Variants in ETFBKMT observed in about 807,000 individuals in gnomAD.
ETFBKMT encodes electron transfer flavoprotein beta subunit lysine methyltransferase.
ETFBKMT carries 13 observed loss-of-function variants against 18.3 expected under a neutral mutation model. The observed-to-expected ratio is 0.71, with a 90% CI of 0.46 to 1.13. The LOEUF (loss-of-function observed/expected upper bound fraction) is 1.13, where lower values mean the gene tolerates loss of function less well. Ranked by LOEUF, ETFBKMT falls within the 50% of genes most tolerant of loss-of-function variation. The pLI is 0.00. For missense variants in ETFBKMT, 293 were observed against 306.2 expected, an observed-to-expected ratio of 0.96 and a Z score of 0.32; for synonymous variants, 84 against 107.9, an observed-to-expected ratio of 0.78 and a Z score of 1.37.
At chr12:31,663,641 A>T (rs1216287527) in intron 2 of ETFBKMT, among the ~76,000 whole-genome samples, 1 of 152,258 alleles carries the variant, frequency 6.6e-6, no homozygotes, top group East Asian at 1.9e-4. Flanking sequence ...GACACATACA[A>T]GTAGCAAGGC....
rs1020557273 is a variant in ETFBKMT, at chr12:31,671,377, C to A, written c.*3387C>A. ...GTTAGCATACTTACCCCGTTTTTCA[C>A]TACATCAGAGGCAAAATAAGAAATC... On this transcript the variant is annotated 3_prime_UTR_variant, in exon 4 of 4. Coordinates refer to ENST00000357721, the MANE Select transcript of ETFBKMT (RefSeq NM_001135863.2). 6.6e-6 allele frequency: 1 copy of A among 152,138 alleles called. No homozygotes were observed. Among genetic ancestry groups the A allele is most frequent in the Non-Finnish European group, 1.5e-5 (1 of 68,010 alleles). 9.4% of individuals were successfully genotyped at this position (152,138 alleles called of 1,614,324 possible).
In ETFBKMT at chr12:31,672,672, T is replaced by C. The variant is rs886448137; in HGVS notation, c.*4682T>C. The C allele has an allele frequency of 1.5e-5, 4 of 267,496 alleles. No individual in the cohort carries two copies. The highest frequency in any genetic ancestry group is 4.9e-5 in the Admixed American group (1 of 20,588). The allele number at this position is 267,496 out of a possible 1,614,324, so 16.6% of individuals were successfully genotyped here. ...CACCAACCAGAGTAATGGTCTAATTTCACCATTAACCTGTGTTAATGGTTA... is the reference window on the plus strand; with the variant it reads ...CACCAACCAGAGTAATGGTCTAATTCCACCATTAACCTGTGTTAATGGTTA... On this transcript the variant is annotated 3_prime_UTR_variant, in exon 4 of 4. Coordinates refer to ENST00000357721, the MANE Select transcript of ETFBKMT (RefSeq NM_001135863.2).
chr12:31,648,770 C>T (rs1174311921), intron 1 of ETFBKMT, among the ~76,000 whole-genome samples: 4 of 151,818 alleles, frequency 2.6e-5, no homozygotes, highest in Non-Finnish European at 5.9e-5. Flanking sequence ...ACCATGTTAG[C>T]CAGGATGGTC....
intron 1 of ETFBKMT, chr12:31,660,050 C>T (rs929919155): frequency 6.0e-5 from 9 of 149,834 alleles, no homozygotes; most frequent in Non-Finnish European, 1.2e-4. Flanking sequence ...CCCTGTAATC[C>T]CAGGACTCGG....
At chr12:31,665,675 G>C (rs966524573) in intron 2 of ETFBKMT, among the ~76,000 whole-genome samples, 1 of 151,876 alleles carries the variant, frequency 6.6e-6, no homozygotes, top group Non-Finnish European at 1.5e-5. Context: ...TTACCCACAT[G>C]TTTATTAACA....
intron 1 of ETFBKMT, among the ~76,000 whole-genome samples, chr12:31,653,208 C>CAA (rs33928613): frequency 0.29 from 27,747 of 94,982 alleles, 3,608 homozygotes; most frequent in Non-Finnish European, 0.39. Context: ...GACTCCGTCT[C>CAA]AAAAAAAAAA....
At chr12:31,665,875 C>T (rs552518489) in intron 2 of ETFBKMT, among the ~76,000 whole-genome samples, 21 of 152,368 alleles carry the variant, frequency 1.4e-4, no homozygotes, top group Admixed American at 5.9e-4. Context: ...CAGTTCTCTG[C>T]CCTGGGCAGG....
rs1291315371 is a variant in ETFBKMT at position 31,662,041 on chromosome 12, C to T, written c.88C>T (p.Pro30Ser). ...ALRSSGLLLF[P>S]CGQCPWRGAG... ...GCGAAGCAGTGGTCTTCTCTTGTTTCCCTGTGGCCAGTGTCCCTGGAGAGG... is the reference window on the plus strand; with the variant it reads ...GCGAAGCAGTGGTCTTCTCTTGTTTTCCTGTGGCCAGTGTCCCTGGAGAGG... Residue 30 changes from proline (P) to serine (S), a missense_variant, in exon 2 of 4, where the codon CCC becomes TCC. Physicochemically the swap from Pro to Ser is moderately conservative, Grantham distance 74 (BLOSUM62 -1). Coordinates refer to ENST00000357721, the MANE Select transcript of ETFBKMT (RefSeq NM_001135863.2). 2 of 1,614,198 alleles carry T rather than the reference C, an allele frequency of 1.2e-6. No individual in the cohort carries two copies. The highest frequency in any genetic ancestry group is 1.7e-6 in the Non-Finnish European group (2 of 1,180,034).
intron 2 of ETFBKMT, among the ~76,000 whole-genome samples, chr12:31,662,567 C>T (rs1951139621): frequency 7.1e-6 from 1 of 140,682 alleles, no homozygotes; most frequent in African/African-American, 2.6e-5. Context: ...TGGTCTTAAA[C>T]ATCTGGCCTC....
At chr12:31,653,012 C>T (rs1189338090) in intron 1 of ETFBKMT, among the ~76,000 whole-genome samples, 1 of 152,202 alleles carries the variant, frequency 6.6e-6, no homozygotes, top group Non-Finnish European at 1.5e-5. Context: ...AGTTCGGAAC[C>T]AGCCTGGGCA....
chr12:31,667,501 C>T (rs1283999928), intron 3 of ETFBKMT, 146 bp from the exon 4 acceptor site: 4 of 640,968 alleles, frequency 6.2e-6, no homozygotes, highest in Non-Finnish European at 1.1e-5. Flanking sequence ...TTGGGATAAC[C>T]TTTATACTTC....
chr12:31,657,420 T>A (rs1951071581), upstream of ETFBKMT, among the ~76,000 whole-genome samples: 1 of 152,164 alleles, frequency 6.6e-6, no homozygotes, highest in African/African-American at 2.4e-5. Context: ...TCATGCTTTG[T>A]CTGGGACTAA....
intron 2 of ETFBKMT, among the ~76,000 whole-genome samples, chr12:31,663,233 C>T (rs1455682688): frequency 2.0e-5 from 3 of 152,122 alleles, no homozygotes; most frequent in Non-Finnish European, 4.4e-5. Context: ...GCTGGGACTA[C>T]AGGCTCATGC....
At chr12:31,653,777 T>C (rs572832228) in intron 1 of ETFBKMT, among the ~76,000 whole-genome samples, 95 of 152,152 alleles carry the variant, frequency 6.2e-4, no homozygotes, top group African/African-American at 2.2e-3. Context: ...GCGAAACCTG[T>C]CTCTACTGAA....
In ETFBKMT at chr12:31,667,809, TGAA is replaced by T. The variant is rs746577989; in HGVS notation, c.613_615del (p.Lys205del). On this transcript the variant is annotated inframe_deletion, in exon 4 of 4. Transcript: ENST00000357721. ...CTTGCAGATAGTCTTCATCAGTGGC[TGAA>T]GAAGTGCTTCTGGACCTATAGAACT... The T allele has an allele frequency of 5.0e-6, 8 of 1,614,234 alleles. No individual in the cohort carries two copies. Among genetic ancestry groups the T allele is most frequent in the Non-Finnish European group, 6.8e-6 (8 of 1,180,040 alleles).
At chr12:31,663,861 C>T (rs867122727) in intron 2 of ETFBKMT, among the ~76,000 whole-genome samples, 4 of 152,096 alleles carry the variant, frequency 2.6e-5, no homozygotes, top group Non-Finnish European at 4.4e-5. Flanking sequence ...GCTAATTGTG[C>T]ATCCTTGCTT....
chr12:31,662,326 CA>C, intron 2 of ETFBKMT, 59 bp downstream of exon 2: 1 of 1,511,382 alleles, frequency 6.6e-7, no homozygotes, highest in Non-Finnish European at 9.0e-7. Flanking sequence ...CAGTTCCCTC[CA>C]ACCTCTACAA....
At chr12:31,667,289 C>T (rs1465154944) in intron 3 of ETFBKMT, among the ~76,000 whole-genome samples, 1 of 152,212 alleles carries the variant, frequency 6.6e-6, no homozygotes, top group Admixed American at 6.5e-5. Context: ...GCCACTGCGC[C>T]CAGCCAAGGG....
intron 1 of ETFBKMT, among the ~76,000 whole-genome samples, chr12:31,649,275 T>C (rs1045333347): frequency 4.6e-5 from 7 of 152,248 alleles, no homozygotes; most frequent in Non-Finnish European, 8.8e-5. Flanking sequence ...CTGCGGTTGG[T>C]TGAATCTACG....
Sources: gnomAD v4.1 joint callset for allele counts (sites outside exome capture counted in the v4.1 genomes callset) on GRCh38, gnomAD v4.1.1 for gene constraint, MANE v1.5 for transcripts, NCBI Gene and HGNC (gene_info 2026-07-23, HGNC 2026-07-21) for gene names.